TRAF3: variants seen among roughly 807,000 people sequenced by gnomAD.
The protein encoded by TRAF3 is TNF receptor associated factor 3.
TRAF3 carries 13 observed loss-of-function variants against 62.3 expected under a neutral mutation model. That is an observed-to-expected ratio of 0.21 (90% CI 0.14 to 0.33). The LOEUF is 0.33. Among genes scored for constraint, TRAF3 ranks in the 10% least tolerant of loss-of-function variants. TRAF3 has a pLI of 1.00. For missense variants in TRAF3, 440 were observed against 741.8 expected, an observed-to-expected ratio of 0.59 and a Z score of 4.73; for synonymous variants, 269 against 283.4, an observed-to-expected ratio of 0.95 and a Z score of 0.51.
intron 6 of TRAF3, among the ~76,000 whole-genome samples, chr14:102,877,269 CG>C (rs1888740230): frequency 6.8e-6 from 1 of 146,976 alleles, no homozygotes; most frequent in Admixed American, 6.7e-5. Context: ...ACAGGCCTTC[CG>C]CTCAGCTCAT....
intron 2 of TRAF3, among the ~76,000 whole-genome samples, chr14:102,840,987 A>C (rs761571331): frequency 6.6e-6 from 1 of 152,182 alleles, no homozygotes; most frequent in Non-Finnish European, 1.5e-5. Context: ...GGATGCTGTT[A>C]ATGTCACAAC....
Position 102,905,879 on chromosome 14 carries a change from C to A in TRAF3, c.*95C>A. 8.5e-7 allele frequency: 1 copy of A among 1,181,708 alleles called. No homozygotes were observed. The highest frequency in any genetic ancestry group is 1.2e-6 in the Non-Finnish European group (1 of 836,176). 73.2% of individuals were successfully genotyped at this position (1,181,708 alleles called of 1,614,324 possible). A position where few individuals can be genotyped will look rare whatever the true frequency, so the allele number is the denominator to read the frequency against. On this transcript the variant is annotated 3_prime_UTR_variant, in exon 12 of 12. Transcript: ENST00000392745. ...TGAGGTCCTCGCGCTCAGAAAAGGA[C>A]CTTGTGAGACGGAGGAAGCGGCAGA... is the stretch of plus-strand genomic sequence containing the variant.
intron 6 of TRAF3, among the ~76,000 whole-genome samples, chr14:102,879,210 G>A (rs971878872): frequency 1.3e-5 from 2 of 152,120 alleles, no homozygotes. Flanking sequence ...GTGACTGAAG[G>A]GAGGCACCAG....
intron 1 of TRAF3, among the ~76,000 whole-genome samples, chr14:102,799,095 A>T (rs1336365342): frequency 1.3e-5 from 2 of 152,160 alleles, no homozygotes. Context: ...TCATATCAGA[A>T]GTGACCTGAG....
At chr14:102,810,759 A>G (rs1899071765) in intron 1 of TRAF3, 1 of 152,280 alleles carries the variant, frequency 6.6e-6, no homozygotes, top group African/African-American at 2.4e-5. Flanking sequence ...CAGTAACTGT[A>G]TTTCACCTGT....
intron 4 of TRAF3, 146 bp downstream of exon 4, chr14:102,872,114 C>A: frequency 1.2e-6 from 1 of 822,092 alleles, no homozygotes; most frequent in Non-Finnish European, 2.1e-6. Context: ...GACACTGTGC[C>A]ATGTGATCAC....
chr14:102,865,656 T>C (rs1887944707), intron 2 of TRAF3, among the ~76,000 whole-genome samples: 2 of 152,254 alleles, frequency 1.3e-5, no homozygotes, highest in African/African-American at 4.8e-5. Flanking sequence ...TGTGCCACCA[T>C]GCCCAACTAA....
At chr14:102,901,278 G>A (rs911860585) in intron 10 of TRAF3, among the ~76,000 whole-genome samples, 2 of 152,276 alleles carry the variant, frequency 1.3e-5, no homozygotes, top group African/African-American at 2.4e-5. Context: ...TCTTAACCTC[G>A]GGGGCCTGAG....
chr14:102,808,284 A>G (rs555959856), intron 1 of TRAF3, among the ~76,000 whole-genome samples: 1 of 152,240 alleles, frequency 6.6e-6, no homozygotes, highest in African/African-American at 2.4e-5. Context: ...AGGCTGAGAC[A>G]GGCGAATCAC....
chr14:102,863,035 G>A (rs544577502), intron 2 of TRAF3, among the ~76,000 whole-genome samples: 7 of 151,936 alleles, frequency 4.6e-5, no homozygotes, highest in Admixed American at 6.5e-5. Context: ...TTTTGAACAT[G>A]GTTTTCTTTA....
chr14:102,874,797 C>T (rs1888554268), intron 4 of TRAF3, among the ~76,000 whole-genome samples: 1 of 152,000 alleles, frequency 6.6e-6, no homozygotes, highest in Non-Finnish European at 1.5e-5. Context: ...ACTGCAGGCG[C>T]ATATGCTGCC....
At chr14:102,892,062 T>A (rs1889751038) in intron 9 of TRAF3, among the ~76,000 whole-genome samples, 1 of 151,476 alleles carries the variant, frequency 6.6e-6, no homozygotes, top group Non-Finnish European at 1.5e-5. Flanking sequence ...TTTTTTTTTT[T>A]TTTTTTCCCC....
chr14:102,881,554 C>T (rs1889068827), intron 6 of TRAF3, among the ~76,000 whole-genome samples: 1 of 152,058 alleles, frequency 6.6e-6, no homozygotes, highest in Non-Finnish European at 1.5e-5. Flanking sequence ...CACATAGACA[C>T]ATTTAGGGGA....
chr14:102,843,816 GA>G (rs202200252), intron 2 of TRAF3, among the ~76,000 whole-genome samples: 13 of 145,248 alleles, frequency 9.0e-5, no homozygotes, highest in Admixed American at 1.4e-4. Flanking sequence ...TTTCTAAAAG[GA>G]AAAAAAAAAG....
Position 102,872,045 on chromosome 14 carries a change from C to T in TRAF3, c.297+77C>T, listed in dbSNP as rs1293203059. 5 of 1,448,014 alleles carry T rather than the reference C, an allele frequency of 3.5e-6. No individual in the cohort carries two copies. The Admixed American group carries it at 8.4e-5, about 24-fold the overall frequency. The allele number at this position is 1,448,014 out of a possible 1,614,324, so 89.7% of individuals were successfully genotyped here. ...TACTTTTCACATAGTTTGCATTCGG[C>T]ACTCTGGCACAACACATTCTCTCAG... On this transcript the variant is annotated intron_variant, in intron 4 of 11. Coordinates refer to ENST00000392745, the MANE Select transcript of TRAF3 (RefSeq NM_145725.3).
In TRAF3 at chr14:102,827,277, T is replaced by C. The variant is rs142461554; in HGVS notation, c.-156-3057T>C. ...GTGTGTTTTCCATGACTCTTCCTCC[T>C]AGAGCACCGGTGCCCGCCCTGACGG... On this transcript the variant is annotated intron_variant, in intron 1 of 11. Transcript: ENST00000392745. Among the ~76,000 whole-genome samples, 536 of 152,350 alleles carry C rather than the reference T, an allele frequency of 3.5e-3. 4 individuals carry two copies. Among genetic ancestry groups the C allele is most frequent in the African/African-American group, 0.013 (527 of 41,592 alleles).
chr14:102,901,745 A>G (rs1027656803), intron 10 of TRAF3, among the ~76,000 whole-genome samples: 1 of 152,360 alleles, frequency 6.6e-6, no homozygotes, highest in African/African-American at 2.4e-5. Flanking sequence ...TTTACGCCCA[A>G]AAAGCCACCC....
chr14:102,808,605 ATTT>A (rs2139502900), intron 1 of TRAF3, among the ~76,000 whole-genome samples: 1 of 152,262 alleles, frequency 6.6e-6, no homozygotes, highest in South Asian at 2.1e-4. Context: ...CTGAGAAGTT[ATTT>A]AAGAGGATTT....
intron 2 of TRAF3, among the ~76,000 whole-genome samples, chr14:102,843,416 C>A (rs939165261): frequency 3.3e-5 from 5 of 151,760 alleles, no homozygotes; most frequent in African/African-American, 9.7e-5. Context: ...CGGCTCACTG[C>A]AATCTCTGTC....
Sources: gnomAD v4.1 joint callset for allele counts (sites outside exome capture counted in the v4.1 genomes callset) on GRCh38, gnomAD v4.1.1 for gene constraint, MANE v1.5 for transcripts, NCBI Gene and HGNC (gene_info 2026-07-23, HGNC 2026-07-21) for gene names.